CCDC13: variants seen among roughly 807,000 people sequenced by gnomAD.
CCDC13 encodes the protein coiled-coil domain containing 13.
In CCDC13, 70 loss-of-function variants were observed where a neutral mutation model predicts 87.3. The ratio of observed to expected loss-of-function variants is 0.80; its 90% confidence interval spans 0.66 to 0.98. The LOEUF (loss-of-function observed/expected upper bound fraction) is 0.98, where lower values mean the gene tolerates loss of function less well. Ranked by LOEUF, CCDC13 falls within the 50% of genes least tolerant of loss-of-function variation. The probability of loss-of-function intolerance (pLI) is 0.00; values close to 1 mark genes in which losing one functional copy is unlikely to be tolerated. For synonymous variants in CCDC13, 317 were observed against 360.3 expected (o/e 0.88, Z 1.36); for missense variants, 842 against 892.0 (o/e 0.94, Z 0.71).
chr3:42,757,199 C>G lies in CCDC13; in HGVS notation c.237G>C (p.Glu79Asp). Reference sequence around the variant, plus strand: ...TGAGCTCATTTCGAAGGTGTTCAATCTCATCTTCAAGCACCCTACAAGGCA... The same window carrying G: ...TGAGCTCATTTCGAAGGTGTTCAATGTCATCTTCAAGCACCCTACAAGGCA... ...NSFEKRVLED[E>D]IEHLRNELRE... Residue 79 changes from glutamate (E) to aspartate (D), a missense_variant, in exon 3 of 16, where the codon GAG becomes GAC. Coordinates refer to ENST00000310232, the MANE Select transcript of CCDC13 (RefSeq NM_144719.4). 1.2e-6 allele frequency: 2 copies of G among 1,613,996 alleles called. No individual in the cohort carries two copies. The highest frequency in any genetic ancestry group is 1.7e-6 in the Non-Finnish European group (2 of 1,179,952).
At chr3:42,750,706 G>A (rs969701442) in intron 5 of CCDC13, among the ~76,000 whole-genome samples, 2 of 152,318 alleles carry the variant, frequency 1.3e-5, no homozygotes, top group Non-Finnish European at 2.9e-5. Flanking sequence ...GGCCTCAAGT[G>A]ATCCATCAGC....
At chr3:42,724,033 T>C (rs769874266) in intron 13 of CCDC13, among the ~76,000 whole-genome samples, 3 of 152,176 alleles carry the variant, frequency 2.0e-5, no homozygotes, top group Non-Finnish European at 4.4e-5. Context: ...CAAAAAGGAA[T>C]ATGTGGCAGC....
chr3:42,762,252 C>T lies in CCDC13; in HGVS notation c.-6-3901G>A, dbSNP rs543692279. Among the ~76,000 whole-genome samples the T allele has an allele frequency of 2.0e-5, 3 of 152,330 alleles. No homozygotes were observed. In the East Asian group the frequency reaches 5.8e-4, roughly 29 times the overall value. ...TGAAATTCCTTACCAGGCAGCTCTG[C>T]CCAGTAAGAGGAACTATAAAGAATT... On this transcript the variant is annotated intron_variant, in intron 1 of 15. Coordinates refer to ENST00000310232, the MANE Select transcript of CCDC13 (RefSeq NM_144719.4).
chr3:42,736,022 A>G lies in CCDC13; in HGVS notation c.1165-109T>C, dbSNP rs1699003189. On this transcript the variant is annotated intron_variant, in intron 9 of 15. Transcript: ENST00000310232. ...CCAAAGCAGGCTGCAGGAACCTAAC[A>G]GTGGGATCCTGTTCCCTCGAGAGGC... The G allele has an allele frequency of 5.0e-6, 5 of 1,001,028 alleles. No homozygotes were observed. The East Asian group carries it at 7.8e-5, about 16-fold the overall frequency. 62.0% of individuals were successfully genotyped at this position (1,001,028 alleles called of 1,614,324 possible).
At chr3:42,740,681 A>G (rs1325030115) in intron 8 of CCDC13, among the ~76,000 whole-genome samples, 1 of 152,200 alleles carries the variant, frequency 6.6e-6, no homozygotes, top group African/African-American at 2.4e-5. Context: ...TGAAGGGAAG[A>G]GCAAAGGCCC....
intron 13 of CCDC13, among the ~76,000 whole-genome samples, chr3:42,713,670 C>T (rs1213164256): frequency 1.3e-5 from 2 of 152,184 alleles, no homozygotes; most frequent in Admixed American, 6.5e-5. Flanking sequence ...AATCTTTTGA[C>T]TTCCTGTCAT....
At chr3:42,737,954 C>T (rs1174327798) in intron 9 of CCDC13, among the ~76,000 whole-genome samples, 1 of 152,190 alleles carries the variant, frequency 6.6e-6, no homozygotes, top group African/African-American at 2.4e-5. Context: ...GCTGCCATTG[C>T]TTTTGGTGTT....
chr3:42,726,167 A>C (rs1247614661), intron 13 of CCDC13, among the ~76,000 whole-genome samples: 2 of 151,984 alleles, frequency 1.3e-5, no homozygotes, highest in Non-Finnish European at 2.9e-5. Flanking sequence ...TCAGCCTCCC[A>C]AGTTGCTGGG....
downstream of CCDC13, chr3:42,704,456 C>A (rs1366272904): frequency 6.6e-6 from 1 of 152,302 alleles, no homozygotes; most frequent in Non-Finnish European, 1.5e-5. Flanking sequence ...CTGGCCCTGG[C>A]CCTCACTGGG....
At chr3:42,739,324 A>G (rs1202911786) in intron 9 of CCDC13, among the ~76,000 whole-genome samples, 1 of 152,194 alleles carries the variant, frequency 6.6e-6, no homozygotes, top group Non-Finnish European at 1.5e-5. Flanking sequence ...TCCTTGCTGA[A>G]AAATAACCCA....
chr3:42,768,001 A>G (rs1437697661), intron 1 of CCDC13, among the ~76,000 whole-genome samples: 1 of 152,134 alleles, frequency 6.6e-6, no homozygotes, highest in Non-Finnish European at 1.5e-5. Flanking sequence ...TTACTATAAA[A>G]TGATAGTAAT....
chr3:42,766,635 C>A (rs935399317), intron 1 of CCDC13, among the ~76,000 whole-genome samples: 4 of 146,914 alleles, frequency 2.7e-5, no homozygotes, highest in Non-Finnish European at 3.0e-5. Context: ...AACCAACCAA[C>A]CAAACAAACA....
chr3:42,751,042 GAGGGCCCATCCCCGCCGGAACCTGA>G (rs2125903976), intron 5 of CCDC13, among the ~76,000 whole-genome samples: 1 of 152,272 alleles, frequency 6.6e-6, no homozygotes, highest in Admixed American at 6.5e-5. Context: ...CTCGGAACCT[GAGGGCCCATCCCCGCCGGAACCTGA>G]GGGGCCCATC....
At chr3:42,730,635 A>G in intron 12 of CCDC13, 46 bp from the exon 13 acceptor site, 2 of 1,605,322 alleles carry the variant, frequency 1.2e-6, no homozygotes, top group South Asian at 1.1e-5. Context: ...TCCGAGGCCT[A>G]GAAATAACAC....
intron 1 of CCDC13, among the ~76,000 whole-genome samples, chr3:42,764,821 C>T (rs1699900598): frequency 6.6e-6 from 1 of 152,168 alleles, no homozygotes; most frequent in Non-Finnish European, 1.5e-5. Flanking sequence ...CCCTAGGGCA[C>T]CCCTTGATCA....
chr3:42,718,206 G>T (rs1698475830), intron 13 of CCDC13: 1 of 152,166 alleles, frequency 6.6e-6, no homozygotes. Flanking sequence ...TGATAGAACA[G>T]GTTACAGTAA....
chr3:42,747,461 A>C, intron 5 of CCDC13, 88 bp from the exon 6 acceptor site: 1 of 914,864 alleles, frequency 1.1e-6, no homozygotes, highest in Non-Finnish European at 1.8e-6. Context: ...AGTCTGTGCC[A>C]GGCACTGTGC....
At chr3:42,751,909 C>A (rs1699590120) in intron 5 of CCDC13, 27 bp downstream of exon 5, 3 of 1,603,896 alleles carry the variant, frequency 1.9e-6, no homozygotes, top group Admixed American at 1.7e-5. Context: ...GCCTCACAGA[C>A]TTCCCAGCAC....
At chr3:42,768,145 C>T (rs534754423) in intron 1 of CCDC13, among the ~76,000 whole-genome samples, 16 of 152,208 alleles carry the variant, frequency 1.1e-4, no homozygotes, top group East Asian at 9.7e-4. Context: ...GCTGGAACAA[C>T]GAATATCCAT....
Sources: allele counts gnomAD v4.1 joint callset (sites outside exome capture counted in the v4.1 genomes callset), GRCh38; gene constraint gnomAD v4.1.1; transcripts MANE v1.5; gene names NCBI Gene and HGNC (gene_info 2026-07-23, HGNC 2026-07-21).